ZFAND3: variants seen among roughly 807,000 people sequenced by gnomAD.
ZFAND3 encodes AN1-type zinc finger protein 3.
A neutral mutation model predicts 29.6 loss-of-function variants in ZFAND3; 10 were observed. The ratio of observed to expected loss-of-function variants is 0.34; its 90% CI spans 0.21 to 0.57. The LOEUF (loss-of-function observed/expected upper bound fraction) is 0.57, where lower values mean the gene tolerates loss of function less well. Ranked by LOEUF, ZFAND3 falls within the 20% of genes least tolerant of loss-of-function variation. ZFAND3 has a pLI of 0.86. For missense variants in ZFAND3, 230 were observed against 304.5 expected, an observed-to-expected ratio of 0.76 and a Z score of 1.82; for synonymous variants, 128 against 112.6, an observed-to-expected ratio of 1.14 and a Z score of -0.87.
intron 1 of ZFAND3, among the ~76,000 whole-genome samples, chr6:37,852,088 C>A (rs1348965505): frequency 2.0e-5 from 3 of 152,178 alleles, no homozygotes; most frequent in African/African-American, 7.2e-5. Flanking sequence ...AGTTTATATT[C>A]TAGCTGTAAC....
At position 37,844,947 on chromosome 6, in the gene ZFAND3, C is replaced by G. The variant is rs146052690; in HGVS notation, c.71+24931C>G. Among the ~76,000 whole-genome samples, 712 of 151,500 alleles carry G rather than the reference C, an allele frequency of 4.7e-3. 4 individuals are homozygous for G. The highest frequency in any genetic ancestry group is 0.017 in the African/African-American group (685 of 41,252). On this transcript the variant is annotated intron_variant, in intron 1 of 5. Coordinates refer to ENST00000287218, the MANE Select transcript of ZFAND3 (RefSeq NM_021943.3). ...GCTGAGGCAAGAGAATGGCATGAAC[C>G]CAGAAGGTGGAGCTTGCAGTGAGCC...
At chr6:37,885,549 CAGG>C (rs1162298841) in intron 1 of ZFAND3, among the ~76,000 whole-genome samples, 2 of 152,134 alleles carry the variant, frequency 1.3e-5, no homozygotes, top group Non-Finnish European at 2.9e-5. Flanking sequence ...GAGACTGAGG[CAGG>C]AGAATTGCTT....
intron 1 of ZFAND3, among the ~76,000 whole-genome samples, chr6:37,859,550 A>G (rs1291027608): frequency 1.3e-5 from 2 of 152,128 alleles, no homozygotes; most frequent in African/African-American, 4.8e-5. Flanking sequence ...CTTATGGTCT[A>G]TTTTCATATC....
intron 3 of ZFAND3, among the ~76,000 whole-genome samples, chr6:38,067,743 T>C (rs1194253571): frequency 6.6e-6 from 1 of 152,228 alleles, no homozygotes; most frequent in African/African-American, 2.4e-5. Flanking sequence ...TGTTCTCAAG[T>C]ACAGGCAGAT....
intron 2 of ZFAND3, among the ~76,000 whole-genome samples, chr6:38,001,968 G>A (rs1311454055): frequency 6.6e-6 from 1 of 152,064 alleles, no homozygotes; most frequent in Non-Finnish European, 1.5e-5. Flanking sequence ...TAGCATCCTT[G>A]ATCAAATTTA....
intron 1 of ZFAND3, among the ~76,000 whole-genome samples, chr6:37,853,144 T>C (rs1354672025): frequency 2.6e-5 from 4 of 152,138 alleles, no homozygotes; most frequent in Non-Finnish European, 5.9e-5. Flanking sequence ...GGGTAATTAA[T>C]AGTAATGTAT....
At chr6:38,143,482 C>G (rs1766005541) in intron 5 of ZFAND3, among the ~76,000 whole-genome samples, 1 of 152,210 alleles carries the variant, frequency 6.6e-6, no homozygotes, top group African/African-American at 2.4e-5. Context: ...TTGCCTCTAT[C>G]ATACTGCTTT....
At chr6:38,089,089 G>T (rs1047217222) in intron 4 of ZFAND3, among the ~76,000 whole-genome samples, 3 of 151,980 alleles carry the variant, frequency 2.0e-5, no homozygotes, top group African/African-American at 7.3e-5. Context: ...CCCCAAAAAA[G>T]AGAACAGTTT....
At chr6:37,923,686 G>T (rs1165090224) in intron 1 of ZFAND3, among the ~76,000 whole-genome samples, 13 of 152,154 alleles carry the variant, frequency 8.5e-5, no homozygotes, top group Admixed American at 8.5e-4. Context: ...TTTGTTTACT[G>T]TGTTGCTCTA....
intron 4 of ZFAND3, among the ~76,000 whole-genome samples, chr6:38,086,340 G>C (rs898047627): frequency 2.0e-5 from 3 of 152,098 alleles, no homozygotes; most frequent in Non-Finnish European, 4.4e-5. Context: ...GTGTGTGGTC[G>C]TTCCCACTCC....
intron 1 of ZFAND3, among the ~76,000 whole-genome samples, chr6:37,843,653 T>C (rs1581702629): frequency 6.6e-6 from 1 of 152,200 alleles, no homozygotes; most frequent in African/African-American, 2.4e-5. Flanking sequence ...CAGTGTTTGC[T>C]TAATGGCTTG....
At chr6:38,056,819 G>A (rs1387435492) in intron 2 of ZFAND3, among the ~76,000 whole-genome samples, 2 of 150,608 alleles carry the variant, frequency 1.3e-5, no homozygotes, top group Non-Finnish European at 2.9e-5. Flanking sequence ...TATCTTTGTT[G>A]AGAAATTATT....
intron 1 of ZFAND3, among the ~76,000 whole-genome samples, chr6:37,896,562 C>CTTTCTTTCTTTCTTTCTTTTCT (rs1554153806): frequency 4.4e-5 from 6 of 135,452 alleles, no homozygotes; most frequent in African/African-American, 1.4e-4. Flanking sequence ...TTCTTTCTTT[C>CTTTCTTTCTTTCTTTCTTTTCT]TTTCTTTCTC....
chr6:37,942,965 G>A (rs2127417683), intron 2 of ZFAND3, among the ~76,000 whole-genome samples: 1 of 152,258 alleles, frequency 6.6e-6, no homozygotes, highest in Middle Eastern at 3.4e-3. Flanking sequence ...AAAGCTAGAC[G>A]TAGAAAGACT....
At chr6:38,013,611 A>T (rs1189547786) in intron 2 of ZFAND3, among the ~76,000 whole-genome samples, 1 of 152,200 alleles carries the variant, frequency 6.6e-6, no homozygotes, top group Non-Finnish European at 1.5e-5. Flanking sequence ...TATTTTAATC[A>T]GTTGCTTGGC....
intron 4 of ZFAND3, among the ~76,000 whole-genome samples, chr6:38,112,293 A>G (rs1765335881): frequency 6.6e-6 from 1 of 152,192 alleles, no homozygotes; most frequent in Non-Finnish European, 1.5e-5. Context: ...GCATACTGGA[A>G]AAAAAGAATC....
At chr6:38,028,869 A>G (rs1239674753) in intron 2 of ZFAND3, among the ~76,000 whole-genome samples, 1 of 152,166 alleles carries the variant, frequency 6.6e-6, no homozygotes, top group Non-Finnish European at 1.5e-5. Flanking sequence ...TTGTGAAGCA[A>G]GGCATGGTGC....
intron 1 of ZFAND3, among the ~76,000 whole-genome samples, chr6:37,891,092 G>A (rs983725956): frequency 3.9e-5 from 6 of 152,056 alleles, no homozygotes; most frequent in Non-Finnish European, 8.8e-5. Flanking sequence ...CCCCAAACCC[G>A]GAGTCCTCAT....
intron 2 of ZFAND3, among the ~76,000 whole-genome samples, chr6:37,996,381 A>G (rs555310500): frequency 2.6e-4 from 40 of 152,206 alleles, no homozygotes; most frequent in Non-Finnish European, 5.1e-4. Flanking sequence ...CTTTTTTATT[A>G]TCACAAAAGT....
Sources: allele counts gnomAD v4.1 joint callset (sites outside exome capture counted in the v4.1 genomes callset), GRCh38; gene constraint gnomAD v4.1.1; transcripts MANE v1.5; gene names NCBI Gene and HGNC (gene_info 2026-07-23, HGNC 2026-07-21).